The following STX8 variants were observed in gnomAD, a reference collection of about 807,000 sequenced individuals.
The protein encoded by STX8 is syntaxin-8.
Under a neutral mutation model 37.5 loss-of-function variants are expected in STX8, and 23 were observed. The observed-to-expected ratio is 0.61, with a 90% CI of 0.44 to 0.87. The LOEUF (loss-of-function observed/expected upper bound fraction) is 0.87, where lower values mean the gene tolerates loss of function less well. Ranked by LOEUF, STX8 falls within the 40% of genes least tolerant of loss-of-function variation. The probability of loss-of-function intolerance (pLI) is 0.00; values close to 1 mark genes in which losing one functional copy is unlikely to be tolerated. For missense variants in STX8, 313 were observed against 284.7 expected, an observed-to-expected ratio of 1.10 and a Z score of -0.71; for synonymous variants, 115 against 99.1, an observed-to-expected ratio of 1.16 and a Z score of -0.95.
chr17:9,454,028 ATAAAGT>A (rs1300069223), intron 6 of STX8, among the ~76,000 whole-genome samples: 14 of 152,212 alleles, frequency 9.2e-5, no homozygotes, highest in Admixed American at 1.3e-4. Flanking sequence ...AAACTATGTC[ATAAAGT>A]TAAAGTGGAA....
At chr17:9,408,660 T>C (rs1398989021) in intron 6 of STX8, among the ~76,000 whole-genome samples, 1 of 152,208 alleles carries the variant, frequency 6.6e-6, no homozygotes, top group Non-Finnish European at 1.5e-5. Flanking sequence ...GCCTACGTGT[T>C]TAGTAACATA....
At chr17:9,567,550 G>A (rs545921241) in intron 2 of STX8, among the ~76,000 whole-genome samples, 34 of 152,258 alleles carry the variant, frequency 2.2e-4, no homozygotes, top group South Asian at 1.2e-3. Context: ...AAGGAAGAAA[G>A]GTGTGGTGTT....
chr17:9,269,048 A>G (rs541581545), intron 7 of STX8, among the ~76,000 whole-genome samples: 263 of 151,872 alleles, frequency 1.7e-3, no homozygotes, highest in Middle Eastern at 0.017. Context: ...TTAGCTGGGC[A>G]TGGTGGCGGG....
chr17:9,513,749 T>G (rs931501139), intron 4 of STX8, among the ~76,000 whole-genome samples: 1 of 152,148 alleles, frequency 6.6e-6, no homozygotes, highest in Admixed American at 6.5e-5. Flanking sequence ...CTATTCACAG[T>G]AGGCAAAATA....
chr17:9,354,895 C>T (rs184428370), intron 7 of STX8, among the ~76,000 whole-genome samples: 1 of 152,220 alleles, frequency 6.6e-6, no homozygotes, highest in African/African-American at 2.4e-5. Context: ...TACTTCTCTC[C>T]CTTGTTTCTG....
intron 7 of STX8, among the ~76,000 whole-genome samples, chr17:9,324,066 G>C (rs1350691503): frequency 6.7e-6 from 1 of 150,164 alleles, no homozygotes; most frequent in African/African-American, 2.5e-5. Context: ...TAAAAGACTT[G>C]CTCAAGGTCT....
intron 6 of STX8, among the ~76,000 whole-genome samples, chr17:9,479,282 C>T (rs1906219757): frequency 6.6e-6 from 1 of 151,986 alleles, no homozygotes; most frequent in African/African-American, 2.4e-5. Flanking sequence ...TCCTGCAATC[C>T]CAGCCCTTTG....
At chr17:9,410,207 A>G (rs895343126) in intron 6 of STX8, among the ~76,000 whole-genome samples, 7 of 152,234 alleles carry the variant, frequency 4.6e-5, no homozygotes, top group Non-Finnish European at 8.8e-5. Context: ...AATGATGGTC[A>G]TAACATCACT....
intron 4 of STX8, among the ~76,000 whole-genome samples, chr17:9,533,954 C>T (rs1239075153): frequency 6.6e-6 from 1 of 152,140 alleles, no homozygotes; most frequent in Admixed American, 6.5e-5. Flanking sequence ...ACCACAGCAA[C>T]CCCATTCTCC....
At chr17:9,257,064 C>A (rs947839803) in intron 7 of STX8, among the ~76,000 whole-genome samples, 2 of 152,228 alleles carry the variant, frequency 1.3e-5, no homozygotes, top group South Asian at 4.1e-4. Context: ...CTGCCCTGGG[C>A]CCGCTGGCAC....
Position 9,390,909 on chromosome 17 carries a change from G to A in STX8, c.542-12256C>T, listed in dbSNP as rs931646692. On this transcript the variant is annotated intron_variant, in intron 6 of 7. Transcript: ENST00000306357. ...CATTAAAGAGGCAAAACAGTTAAAC[G>A]CAATCTGTAATCTGATTGCTGGAGC... Among the ~76,000 whole-genome samples the A allele has an allele frequency of 4.0e-5, 6 of 151,104 alleles. No individual in the cohort carries two copies. The East Asian group carries it at 7.7e-4, about 19-fold the overall frequency.
At chr17:9,489,014 C>T (rs1216937181) in intron 6 of STX8, among the ~76,000 whole-genome samples, 2 of 152,022 alleles carry the variant, frequency 1.3e-5, no homozygotes, top group African/African-American at 4.8e-5. Context: ...GTAGCTGGGA[C>T]TACAGGCGCC....
chr17:9,461,450 CTAGAGA>C (rs1905383610), intron 6 of STX8: 1 of 152,124 alleles, frequency 6.6e-6, no homozygotes, highest in Non-Finnish European at 1.5e-5. Flanking sequence ...CCTTTGGGTG[CTAGAGA>C]TAGAGACAGA....
chr17:9,544,796 T>C (rs543545657), intron 4 of STX8, among the ~76,000 whole-genome samples: 1 of 151,874 alleles, frequency 6.6e-6, no homozygotes, highest in African/African-American at 2.4e-5. Flanking sequence ...ATCGAGACCA[T>C]CCTGACTAAT....
At chr17:9,415,302 A>C (rs1313993614) in intron 6 of STX8, among the ~76,000 whole-genome samples, 1 of 152,110 alleles carries the variant, frequency 6.6e-6, no homozygotes, top group African/African-American at 2.4e-5. Flanking sequence ...ATGAAACCTC[A>C]AGATCCTTCA....
rs566536954 is a variant in STX8, at chr17:9,303,120, G to A, written c.644-52475C>T. On this transcript the variant is annotated intron_variant, in intron 7 of 7. Transcript: ENST00000306357. ...CATCCTGGCCAACATGGTGAACCCC[G>A]TCTCTACTAAAAATACAAAAATTAG... 1.4e-4 allele frequency among the ~76,000 whole-genome samples: 21 copies of A among 151,946 alleles called. No individual in the cohort carries two copies. The South Asian group carries it at 3.1e-3, about 23-fold the overall frequency.
chr17:9,494,077 G>A (rs549677740), intron 5 of STX8, among the ~76,000 whole-genome samples: 13 of 151,344 alleles, frequency 8.6e-5, no homozygotes, highest in African/African-American at 2.4e-4. Flanking sequence ...GTGCAGTGGC[G>A]CGATCTCGGC....
Position 9,384,236 on chromosome 17 carries a change from C to T in STX8, c.542-5583G>A, listed in dbSNP as rs373868756. On this transcript the variant is annotated intron_variant, in intron 6 of 7. Coordinates refer to ENST00000306357, the MANE Select transcript of STX8 (RefSeq NM_004853.3). ...GACAGATATCGTACAGAATTTTATA[C>T]ATTGAATGCAATCTTAATCAAAATT... 2.6e-5 allele frequency among the ~76,000 whole-genome samples: 4 copies of T among 151,572 alleles called. No individual in the cohort carries two copies. The East Asian group carries it at 7.8e-4, about 29-fold the overall frequency.
intron 7 of STX8, among the ~76,000 whole-genome samples, chr17:9,346,115 G>A (rs1376521238): frequency 6.6e-6 from 1 of 152,018 alleles, no homozygotes; most frequent in Non-Finnish European, 1.5e-5. Flanking sequence ...GCCTCCCAAA[G>A]TGCTGGGATT....
Sources: gnomAD v4.1 joint callset for allele counts (sites outside exome capture counted in the v4.1 genomes callset) on GRCh38, gnomAD v4.1.1 for gene constraint, MANE v1.5 for transcripts, NCBI Gene and HGNC (gene_info 2026-07-23, HGNC 2026-07-21) for gene names.